Variants in ALX4 observed in about 807,000 individuals in gnomAD.
The protein encoded by ALX4 is ALX homeobox 4.
A neutral mutation model predicts 40.6 loss-of-function variants in ALX4; 22 were observed. That is an observed-to-expected ratio of 0.54 (90% CI 0.39 to 0.77). The LOEUF is 0.77. Ranked by LOEUF, ALX4 falls within the 30% of genes least tolerant of loss-of-function variation. The pLI is 0.00. For missense variants in ALX4, 556 were observed against 564.8 expected (o/e 0.98, Z 0.16); for synonymous variants, 266 against 240.5 (o/e 1.11, Z -0.98).
At chr11:44,309,553 C>A in intron 1 of ALX4, 44 bp downstream of exon 1, 1 of 1,540,718 alleles carries the variant, frequency 6.5e-7, no homozygotes, top group Non-Finnish European at 8.7e-7. Flanking sequence ...GGAAGCCAAG[C>A]ACCCCGTGGT....
intron 1 of ALX4, among the ~76,000 whole-genome samples, chr11:44,307,367 G>A (rs983235037): frequency 2.6e-5 from 4 of 152,198 alleles, no homozygotes; most frequent in Non-Finnish European, 4.4e-5. Flanking sequence ...GGCCCTTTCC[G>A]TCAGCTCCAA....
At position 44,264,956 on chromosome 11, in the gene ALX4, A is replaced by T; in HGVS notation, c.1134T>A (p.Asn378Lys). 5 of 1,613,232 alleles carry T rather than the reference A, an allele frequency of 3.1e-6. No homozygotes were observed. The highest frequency in any genetic ancestry group is 4.2e-6 in the Non-Finnish European group (5 of 1,179,942). Residue 378 changes from asparagine (N) to lysine (K), a missense_variant, in exon 4 of 4, where the codon AAT (asparagine) becomes AAA (lysine). Physicochemically the swap from Asn to Lys is moderately conservative, Grantham distance 94. Coordinates refer to ENST00000652299, the MANE Select transcript of ALX4 (RefSeq NM_021926.4). The stretch of plus-strand genomic sequence containing the variant: ...CCGGCTCGCCGTTGAGCTCGTAGCC[A>T]TTGAGGCCTGGGCTGAGGCTGGCTG... ...FGAASLSPGL[N>K]GYELNGEPDR...
intron 1 of ALX4, among the ~76,000 whole-genome samples, chr11:44,304,717 C>T (rs1590705166): frequency 6.6e-6 from 1 of 152,230 alleles, no homozygotes; most frequent in East Asian, 1.9e-4. Context: ...CTGCGCGCGG[C>T]TGAGGGCAGG....
In ALX4 at chr11:44,264,730, T is replaced by A; in HGVS notation, c.*124A>T. 3 of 1,132,388 alleles carry A rather than the reference T, an allele frequency of 2.6e-6. No individual in the cohort carries two copies. The highest frequency in any genetic ancestry group is 3.7e-6 in the Non-Finnish European group (3 of 804,354). 70.1% of individuals were successfully genotyped at this position (1,132,388 alleles called of 1,614,324 possible). A position where few individuals can be genotyped will look rare whatever the true frequency, so the allele number is the denominator to read the frequency against. ...TCAGACTTGGGGCGGCTGAAAGTGC[T>A]GAGGGTCAGGCCCCTGGCCCAGGCC... On this transcript the variant is annotated 3_prime_UTR_variant, in exon 4 of 4. Transcript: ENST00000652299.
chr11:44,277,134 T>C (rs558996919), intron 1 of ALX4, among the ~76,000 whole-genome samples: 1 of 152,360 alleles, frequency 6.6e-6, no homozygotes, highest in South Asian at 2.1e-4. Context: ...ATCTTCCTCA[T>C]AGGGTAGCTG....
rs981132036 is a variant in ALX4, at chr11:44,262,747, C to G, written c.*2107G>C. On this transcript the variant is annotated 3_prime_UTR_variant, in exon 4 of 4. Coordinates refer to ENST00000652299, the MANE Select transcript of ALX4 (RefSeq NM_021926.4). ...CCCAAGGTGAAAGTTCCTTCCTTCC[C>G]CATCCTTCCTCAGCCATGAGCATTT... 6.6e-6 allele frequency: 1 copy of G among 152,188 alleles called. No homozygotes were observed. Among genetic ancestry groups the G allele is most frequent in the Non-Finnish European group, 1.5e-5 (1 of 68,044 alleles). 9.4% of individuals were successfully genotyped at this position (152,188 alleles called of 1,614,324 possible).
intron 1 of ALX4, among the ~76,000 whole-genome samples, chr11:44,296,634 A>T (rs1956403941): frequency 6.6e-6 from 1 of 152,230 alleles, no homozygotes; most frequent in African/African-American, 2.4e-5. Flanking sequence ...AAAAATGGGC[A>T]AAGTACTTGA....
intron 1 of ALX4, among the ~76,000 whole-genome samples, chr11:44,279,601 A>G (rs1047262670): frequency 6.6e-6 from 1 of 152,160 alleles, no homozygotes; most frequent in Non-Finnish European, 1.5e-5. Flanking sequence ...CTCCTGACCA[A>G]AGGAAACCAC....
intron 1 of ALX4, among the ~76,000 whole-genome samples, chr11:44,306,829 G>A (rs958407105): frequency 6.6e-6 from 1 of 152,174 alleles, no homozygotes; most frequent in Non-Finnish European, 1.5e-5. Flanking sequence ...TAAGGGCAGA[G>A]CCTCATCTTT....
At chr11:44,273,108 C>G (rs1165048634) in intron 2 of ALX4, among the ~76,000 whole-genome samples, 4 of 151,498 alleles carry the variant, frequency 2.6e-5, no homozygotes, top group African/African-American at 7.3e-5. Flanking sequence ...TCCCTGGGGC[C>G]TGCTGAGGAT....
At chr11:44,302,730 T>C (rs571069128) in intron 1 of ALX4, among the ~76,000 whole-genome samples, 1 of 152,308 alleles carries the variant, frequency 6.6e-6, no homozygotes, top group South Asian at 2.1e-4. Context: ...CATGGCCCTG[T>C]AGGACCTCTA....
rs922576689 is a variant in ALX4, at chr11:44,265,244, G to A, written c.907-61C>T. 224 of 1,454,526 alleles carry A rather than the reference G, an allele frequency of 1.5e-4. 4 individuals are homozygous for A. In the South Asian group the frequency reaches 1.6e-3, roughly 10 times the overall value. 90.1% of individuals were successfully genotyped at this position (1,454,526 alleles called of 1,614,324 possible). ...GGCAGGTGTGGTGTGGAAGGGGCTCGCCCCTTCCCCCAGAGCACCTCTCCC... is the reference window on the plus strand; with the variant it reads ...GGCAGGTGTGGTGTGGAAGGGGCTCACCCCTTCCCCCAGAGCACCTCTCCC... On this transcript the variant is annotated intron_variant, in intron 3 of 3. Coordinates refer to ENST00000652299, the MANE Select transcript of ALX4 (RefSeq NM_021926.4).
intron 1 of ALX4, among the ~76,000 whole-genome samples, chr11:44,304,771 G>T: frequency 6.6e-6 from 1 of 152,218 alleles, no homozygotes; most frequent in Non-Finnish European, 1.5e-5. Context: ...GAGAAAGTGC[G>T]CCCAGCTGAT....
Position 44,262,103 on chromosome 11 carries a change from A to G in ALX4, c.*2751T>C, listed in dbSNP as rs985859020. 2 of 152,402 alleles carry G rather than the reference A, an allele frequency of 1.3e-5. No individual in the cohort carries two copies. Among genetic ancestry groups the G allele is most frequent in the African/African-American group, 4.8e-5 (2 of 41,460 alleles). 9.4% of individuals were successfully genotyped at this position (152,402 alleles called of 1,614,324 possible). A position where few individuals can be genotyped will look rare whatever the true frequency, so the allele number is the denominator to read the frequency against. ...GCAGCACCGGCCGCCCCTGGTGCCA[A>G]CGAAGCCCAGGCCCTCACACCCTGG... On this transcript the variant is annotated 3_prime_UTR_variant, in exon 4 of 4. Coordinates refer to ENST00000652299, the MANE Select transcript of ALX4 (RefSeq NM_021926.4).
intron 1 of ALX4, among the ~76,000 whole-genome samples, chr11:44,281,718 G>A (rs1003116280): frequency 4.6e-5 from 7 of 152,008 alleles, no homozygotes; most frequent in African/African-American, 9.7e-5. Flanking sequence ...CATTGATCAC[G>A]TCCCCACCCC....
chr11:44,279,372 G>A (rs572527975), intron 1 of ALX4, among the ~76,000 whole-genome samples: 9 of 152,286 alleles, frequency 5.9e-5, no homozygotes, highest in East Asian at 1.9e-4. Context: ...GAGTTTCTCC[G>A]GCCTGTGTGA....
chr11:44,294,141 T>C (rs1472629811), intron 1 of ALX4, among the ~76,000 whole-genome samples: 1 of 152,220 alleles, frequency 6.6e-6, no homozygotes, highest in East Asian at 1.9e-4. Context: ...TCAGGAGATC[T>C]GGGTTCAATT....
At chr11:44,308,182 AAAG>A (rs1363432080) in intron 1 of ALX4, among the ~76,000 whole-genome samples, 1 of 152,214 alleles carries the variant, frequency 6.6e-6, no homozygotes, top group Non-Finnish European at 1.5e-5. Context: ...ATCGGCTCCT[AAAG>A]AAGATGCTCT....
chr11:44,287,170 C>T (rs1445356295), intron 1 of ALX4, among the ~76,000 whole-genome samples: 1 of 152,254 alleles, frequency 6.6e-6, no homozygotes, highest in African/African-American at 2.4e-5. Flanking sequence ...CAGAAGCTCT[C>T]TCAGTTCTTC....
Sources: allele counts gnomAD v4.1 joint callset (sites outside exome capture counted in the v4.1 genomes callset), GRCh38; gene constraint gnomAD v4.1.1; transcripts MANE v1.5; gene names NCBI Gene and HGNC (gene_info 2026-07-23, HGNC 2026-07-21).